LPAR6: variants seen among roughly 807,000 people sequenced by gnomAD.
LPAR6 encodes lysophosphatidic acid receptor 6, also known as G-protein coupled purinergic receptor P2Y5.
A neutral mutation model predicts 22.0 loss-of-function variants in LPAR6; 17 were observed. The ratio of observed to expected loss-of-function variants is 0.77; its 90% CI spans 0.53 to 1.16. The LOEUF (loss-of-function observed/expected upper bound fraction) is 1.16. Ranked by LOEUF, LPAR6 falls within the 50% of genes most tolerant of loss-of-function variation. LPAR6 has a pLI of 0.00. For missense variants in LPAR6, 384 were observed against 406.9 expected (o/e 0.94, Z 0.48); for synonymous variants, 136 against 139.8 (o/e 0.97, Z 0.19).
upstream of LPAR6, among the ~76,000 whole-genome samples, chr13:48,416,104 G>A (rs1336424728): frequency 6.6e-6 from 1 of 151,948 alleles, no homozygotes; most frequent in Non-Finnish European, 1.5e-5. Flanking sequence ...GGATTTTTTG[G>A]GGGGAGCGAA....
At chr13:48,424,134 A>C (rs1005910128) in intron 1 of LPAR6, 1 of 152,622 alleles carries the variant, frequency 6.6e-6, no homozygotes, top group African/African-American at 2.4e-5. Flanking sequence ...TTAGGTATAG[A>C]AACAAATAAA....
intron 1 of LPAR6, among the ~76,000 whole-genome samples, chr13:48,393,253 T>C (rs1948624404): frequency 6.6e-6 from 1 of 152,250 alleles, no homozygotes; most frequent in Admixed American, 6.5e-5. Context: ...TGGAGTTCTC[T>C]TTTTGTAGCT....
intron 1 of LPAR6, among the ~76,000 whole-genome samples, chr13:48,438,894 CACA>C (rs1436373662): frequency 5.9e-5 from 9 of 152,076 alleles, no homozygotes; most frequent in African/African-American, 2.2e-4. Context: ...ATTTTATTTT[CACA>C]ACAACTCTAT....
intron 1 of LPAR6, among the ~76,000 whole-genome samples, chr13:48,397,714 G>A (rs535621629): frequency 2.0e-5 from 3 of 152,210 alleles, no homozygotes; most frequent in East Asian, 3.9e-4. Context: ...GTCATTTTAT[G>A]TATGAGTATA....
intron 1 of LPAR6, among the ~76,000 whole-genome samples, chr13:48,404,683 C>T (rs1052453920): frequency 3.3e-5 from 5 of 151,914 alleles, no homozygotes; most frequent in African/African-American, 1.2e-4. Flanking sequence ...CGAGACAACG[C>T]GCCCAGATAA....
intron 1 of LPAR6, among the ~76,000 whole-genome samples, chr13:48,403,467 G>T (rs998222744): frequency 2.0e-5 from 3 of 152,048 alleles, no homozygotes; most frequent in Non-Finnish European, 4.4e-5. Flanking sequence ...TGAGTGTATT[G>T]TGGATACAAT....
At chr13:48,428,575 C>A (rs1737557583), upstream of LPAR6, among the ~76,000 whole-genome samples, 1 of 152,178 alleles carries the variant, frequency 6.6e-6, no homozygotes, top group Non-Finnish European at 1.5e-5. Flanking sequence ...AAGCAAAGAA[C>A]TTTGTCTTTA....
chr13:48,423,155 G>T (rs1291826291), intron 1 of LPAR6, among the ~76,000 whole-genome samples: 2 of 152,124 alleles, frequency 1.3e-5, no homozygotes, highest in Non-Finnish European at 2.9e-5. Flanking sequence ...TAAATAAAAA[G>T]AATGAAATAT....
chr13:48,442,209 T>A (rs936992429), intron 1 of LPAR6, among the ~76,000 whole-genome samples: 7 of 151,984 alleles, frequency 4.6e-5, no homozygotes, highest in Non-Finnish European at 7.4e-5. Context: ...GAATTTTATT[T>A]TTTTTTTTTG....
intron 1 of LPAR6, among the ~76,000 whole-genome samples, chr13:48,442,489 G>T (rs1353612641): frequency 2.0e-5 from 3 of 152,144 alleles, no homozygotes; most frequent in Non-Finnish European, 4.4e-5. Flanking sequence ...AGTTAGAACA[G>T]GATTTTTTTC....
intron 1 of LPAR6, among the ~76,000 whole-genome samples, chr13:48,432,800 G>T (rs1949143803): frequency 6.6e-6 from 1 of 151,926 alleles, no homozygotes; most frequent in African/African-American, 2.4e-5. Context: ...TAATATAGGA[G>T]AGATATTACT....
intron 1 of LPAR6, among the ~76,000 whole-genome samples, chr13:48,398,532 G>C (rs1948665918): frequency 6.6e-6 from 1 of 151,246 alleles, no homozygotes; most frequent in Non-Finnish European, 1.5e-5. Context: ...TTTTAAAGCT[G>C]TCTCTCATAT....
intron 1 of LPAR6, among the ~76,000 whole-genome samples, chr13:48,390,411 C>G (rs1221548418): frequency 6.6e-6 from 1 of 152,002 alleles, no homozygotes; most frequent in East Asian, 1.9e-4. Flanking sequence ...CATGAGGATC[C>G]TGGCCAAGGA....
chr13:48,397,868 A>G (rs565383004), intron 1 of LPAR6, among the ~76,000 whole-genome samples: 17 of 152,280 alleles, frequency 1.1e-4, no homozygotes, highest in African/African-American at 4.1e-4. Context: ...GTGGCTCTGA[A>G]AAAACCAAAA....
chr13:48,395,545 G>A (rs998757324), intron 1 of LPAR6, among the ~76,000 whole-genome samples: 3 of 151,678 alleles, frequency 2.0e-5, no homozygotes, highest in Admixed American at 6.6e-5. Flanking sequence ...ATGACCTGAC[G>A]GAACTGAAAA....
At chr13:48,389,669 G>A (rs1948596939) in exon 2 of LPAR6, 1 of 152,096 alleles carries the variant, frequency 6.6e-6, no homozygotes, top group Non-Finnish European at 1.5e-5. Flanking sequence ...GTGTCAGCAG[G>A]TGCCTGGAGC....
chr13:48,417,529 G>T (rs2138226626), upstream of LPAR6, among the ~76,000 whole-genome samples: 1 of 152,222 alleles, frequency 6.6e-6, no homozygotes, highest in African/African-American at 2.4e-5. Flanking sequence ...CTCTTCCAAA[G>T]AATCACAACT....
At chr13:48,389,940 A>G (rs1948598845) in intron 1 of LPAR6, 1 of 152,274 alleles carries the variant, frequency 6.6e-6, no homozygotes, top group Non-Finnish European at 1.5e-5. Context: ...GGATTGCTTG[A>G]GCCCGAGTTC....
Position 48,411,390 on chromosome 13 carries a change from C to A in LPAR6, c.1034G>T (p.Ter345LeuextTer18). The change falls in exon 1 of 1, where the codon TGA becomes TTA. Residue 345 changes from the stop codon to leucine (L), a stop_lost. Transcript: ENST00000620633. ...CCAGTGAGTCCTAATGGTTTTATTT[C>A]AGGCAGCAGATTCATTGTCAAATAT... The part of the protein sequence containing the change: ...SKIFDNESAA[*>L] 1 of 1,609,366 alleles carries A rather than the reference C, an allele frequency of 6.2e-7. No individual in the cohort carries two copies. The highest frequency in any genetic ancestry group is 1.3e-5 in the African/African-American group (1 of 74,912).
Sources: allele counts gnomAD v4.1 joint callset (sites outside exome capture counted in the v4.1 genomes callset), GRCh38; gene constraint gnomAD v4.1.1; transcripts MANE v1.5; gene names NCBI Gene and HGNC (gene_info 2026-07-23, HGNC 2026-07-21).